CSMD1: variants seen among roughly 807,000 people sequenced by gnomAD.
CSMD1 encodes the protein CUB and sushi domain-containing protein 1.
In CSMD1, 213 loss-of-function variants were observed where a neutral mutation model predicts 417.5. That is an observed-to-expected ratio of 0.51 (90% CI 0.46 to 0.57). The LOEUF (loss-of-function observed/expected upper bound fraction) is 0.57, where lower values mean the gene tolerates loss of function less well. Ranked by LOEUF, CSMD1 falls within the 20% of genes least tolerant of loss-of-function variation. The probability of loss-of-function intolerance (pLI) is 0.00; values close to 1 mark genes in which losing one functional copy is unlikely to be tolerated. For synonymous variants in CSMD1, 2,862 were observed against 1,736.8 expected (o/e 1.65, Z -16.11); for missense variants, 6,923 against 4,529.7 (o/e 1.53, Z -15.17).
chr8:4,011,917 A>G lies in CSMD1; in HGVS notation c.611-13807T>C, dbSNP rs553694949. 1.1e-4 allele frequency among the ~76,000 whole-genome samples: 16 copies of G among 152,262 alleles called. 1 individual carries two copies. In the South Asian group the frequency reaches 3.3e-3, roughly 32 times the overall value. On this transcript the variant is annotated intron_variant, in intron 4 of 69. Coordinates refer to ENST00000635120, the MANE Select transcript of CSMD1 (RefSeq NM_033225.6). ...ATGGAATTTTATTTGCATATAACTT[A>G]TACACATCTTCCCATATACTTTAAA...
At chr8:4,535,565 C>T (rs1456803697) in intron 2 of CSMD1, among the ~76,000 whole-genome samples, 2 of 152,094 alleles carry the variant, frequency 1.3e-5, no homozygotes, top group African/African-American at 2.4e-5. Flanking sequence ...CCAAGTTACT[C>T]GTAGGTTAAC....
intron 3 of CSMD1, among the ~76,000 whole-genome samples, chr8:4,285,202 T>A (rs1417070407): frequency 6.6e-6 from 1 of 152,210 alleles, no homozygotes; most frequent in East Asian, 1.9e-4. Context: ...AGGAGTGTGT[T>A]AAAATTCAAA....
intron 1 of CSMD1, among the ~76,000 whole-genome samples, chr8:4,902,976 A>AAAT (rs140580575): frequency 0.87 from 128,196 of 148,068 alleles, 55,748 homozygotes; most frequent in East Asian, 1. Context: ...ATACTAAACT[A>AAAT]AATAATAATA....
At chr8:4,793,802 T>C (rs1327923326) in intron 1 of CSMD1, among the ~76,000 whole-genome samples, 2 of 145,230 alleles carry the variant, frequency 1.4e-5, no homozygotes, top group Non-Finnish European at 3.0e-5. Context: ...TCATGGTCAG[T>C]GATCTAGAAA....
At chr8:4,416,986 C>T (rs1471932229) in intron 3 of CSMD1, among the ~76,000 whole-genome samples, 5 of 152,118 alleles carry the variant, frequency 3.3e-5, no homozygotes, top group Non-Finnish European at 5.9e-5. Flanking sequence ...GACAGCTATG[C>T]AACTATGTTG....
chr8:4,097,027 T>C (rs905553029), intron 3 of CSMD1, among the ~76,000 whole-genome samples: 6 of 152,290 alleles, frequency 3.9e-5, no homozygotes, highest in African/African-American at 1.2e-4. Context: ...TCCACCCCCA[T>C]CTTTTTTTAA....
At chr8:4,035,076 A>G (rs72624064) in intron 3 of CSMD1, among the ~76,000 whole-genome samples, 22,745 of 152,186 alleles carry the variant, frequency 0.15, 2,433 homozygotes, top group East Asian at 0.39. Flanking sequence ...AAGATCAACG[A>G]AACATTCTAC....
intron 1 of CSMD1, among the ~76,000 whole-genome samples, chr8:4,950,204 G>A (rs1387294450): frequency 6.6e-6 from 1 of 152,014 alleles, no homozygotes; most frequent in Non-Finnish European, 1.5e-5. Context: ...AATGTCTTCT[G>A]AAAAGTATTT....
chr8:4,670,640 A>T (rs1472474685), intron 1 of CSMD1, among the ~76,000 whole-genome samples: 1 of 152,214 alleles, frequency 6.6e-6, no homozygotes, highest in African/African-American at 2.4e-5. Context: ...TGCAAATGTT[A>T]CCTGCTATAA....
intron 1 of CSMD1, among the ~76,000 whole-genome samples, chr8:4,972,149 G>C (rs1411704677): frequency 6.6e-6 from 1 of 152,092 alleles, no homozygotes; most frequent in African/African-American, 2.4e-5. Context: ...CCTGTAGGTA[G>C]AAATGAGACC....
chr8:4,986,251 C>G (rs1012739636), intron 1 of CSMD1, among the ~76,000 whole-genome samples: 1 of 152,070 alleles, frequency 6.6e-6, no homozygotes, highest in Non-Finnish European at 1.5e-5. Context: ...TTAGGAACCA[C>G]AGTTATGTCA....
intron 69 of CSMD1, among the ~76,000 whole-genome samples, chr8:2,940,769 G>A (rs1801818141): frequency 6.6e-6 from 1 of 152,156 alleles, no homozygotes. Flanking sequence ...TTATATGAAG[G>A]TTTGCATCTT....
At chr8:3,131,898 C>T (rs1213826021) in intron 41 of CSMD1, among the ~76,000 whole-genome samples, 4 of 152,096 alleles carry the variant, frequency 2.6e-5, no homozygotes, top group Admixed American at 2.6e-4. Context: ...GTAATAGATT[C>T]CTTGAATTCT....
chr8:3,409,370 T>G (rs1812538359), intron 13 of CSMD1, 53 bp downstream of exon 13: 1 of 1,448,410 alleles, frequency 6.9e-7, no homozygotes, highest in Non-Finnish European at 9.3e-7. Flanking sequence ...TTTTCTCCCC[T>G]TGCAAGATCC....
chr8:4,580,408 A>T (rs556619904), intron 2 of CSMD1, among the ~76,000 whole-genome samples: 2 of 152,230 alleles, frequency 1.3e-5, no homozygotes, highest in Non-Finnish European at 2.9e-5. Flanking sequence ...GTGTAACACA[A>T]ATAATGATAT....
At chr8:4,023,294 T>C (rs1796880123) in intron 4 of CSMD1, among the ~76,000 whole-genome samples, 1 of 152,214 alleles carries the variant, frequency 6.6e-6, no homozygotes, top group African/African-American at 2.4e-5. Context: ...TGAGACTCAT[T>C]TTGAATTTAA....
At chr8:4,457,482 G>A (rs745643112) in intron 2 of CSMD1, among the ~76,000 whole-genome samples, 5 of 151,958 alleles carry the variant, frequency 3.3e-5, no homozygotes, top group Non-Finnish European at 5.9e-5. Context: ...AAGATTACCT[G>A]TAGTTTTCTA....
rs189445054 is a variant in CSMD1, at chr8:3,286,773, T to G, written c.3951-2427A>C. ...AAAAATTTTCTCCCATTCTGTAGGTTGAGTGTTGACTCTGATGGTAGTTTC... is the reference window on the plus strand; with the variant it reads ...AAAAATTTTCTCCCATTCTGTAGGTGGAGTGTTGACTCTGATGGTAGTTTC... On this transcript the variant is annotated intron_variant, in intron 25 of 69. Transcript: ENST00000635120. Among the ~76,000 whole-genome samples the G allele has an allele frequency of 1.2e-3, 181 of 152,328 alleles. 1 individual carries two copies. In the East Asian group the frequency reaches 0.016, roughly 14 times the overall value.
intron 3 of CSMD1, among the ~76,000 whole-genome samples, chr8:4,151,858 C>A (rs923706388): frequency 6.6e-6 from 1 of 152,076 alleles, no homozygotes; most frequent in African/African-American, 2.4e-5. Flanking sequence ...TTTCCATGTA[C>A]CTTTTCTATT....
Sources: gnomAD v4.1 joint callset for allele counts (sites outside exome capture counted in the v4.1 genomes callset) on GRCh38, gnomAD v4.1.1 for gene constraint, MANE v1.5 for transcripts, NCBI Gene and HGNC (gene_info 2026-07-23, HGNC 2026-07-21) for gene names.